CACNA1C: variants seen among roughly 807,000 people sequenced by gnomAD.
The protein encoded by CACNA1C is calcium voltage-gated channel subunit alpha1 C, also known as voltage-dependent L-type calcium channel subunit alpha-1C.
A neutral mutation model predicts 229.0 loss-of-function variants in CACNA1C; 30 were observed. That is an observed-to-expected ratio of 0.13 (90% confidence interval 0.10 to 0.18). The LOEUF (loss-of-function observed/expected upper bound fraction) is 0.18. CACNA1C is among the 10% of genes least tolerant of loss of function. CACNA1C has a pLI of 1.00. For missense variants in CACNA1C, 1,658 were observed against 2,845.0 expected (o/e 0.58, Z 9.49); for synonymous variants, 1,114 against 1,132.5 (o/e 0.98, Z 0.33).
At chr12:1,972,767 C>T (rs1209061249) in intron 1 of CACNA1C, among the ~76,000 whole-genome samples, 1 of 150,064 alleles carries the variant, frequency 6.7e-6, no homozygotes, top group African/African-American at 2.5e-5. Flanking sequence ...AACCAAAGTT[C>T]ATATGGACTC....
Position 2,053,090 on chromosome 12 carries a change from C to G in CACNA1C, c.-473C>G. The G allele has an allele frequency of 1.0e-6, 1 of 984,604 alleles. No homozygotes were observed. The highest frequency in any genetic ancestry group is 1.2e-6 in the Non-Finnish European group (1 of 829,472). The allele number at this position is 984,604 out of a possible 1,614,324, so 61.0% of individuals were successfully genotyped here. The stretch of plus-strand genomic sequence containing the variant: ...GCGGCGGCTCTTCCTGCCTCCGCGC[C>G]CAGGAGTTGCCGGCTCCCTTTGACA... On this transcript the variant is annotated 5_prime_UTR_variant, in exon 1 of 47. Coordinates refer to ENST00000399655, the MANE Select transcript of CACNA1C (RefSeq NM_000719.7). This position sits in a 1 kb window ranked among gnomAD's most constrained non-coding sequence, Gnocchi z 5.8.
At chr12:2,511,355 A>C (rs1198650545) in intron 8 of CACNA1C, among the ~76,000 whole-genome samples, 1 of 152,208 alleles carries the variant, frequency 6.6e-6, no homozygotes, top group Non-Finnish European at 1.5e-5. Flanking sequence ...GTAGTGATGG[A>C]GCTGCCCCAC....
intron 3 of CACNA1C, among the ~76,000 whole-genome samples, chr12:2,431,480 AG>A (rs1327631309): frequency 6.6e-6 from 1 of 152,132 alleles, no homozygotes; most frequent in Admixed American, 6.6e-5. Context: ...ATGTTTCCAG[AG>A]GGAGAAAAAA....
intron 1 of CACNA1C, among the ~76,000 whole-genome samples, chr12:2,066,661 A>G (rs977226734): frequency 6.6e-6 from 1 of 151,804 alleles, no homozygotes; most frequent in African/African-American, 2.4e-5. Flanking sequence ...ATAAAAGGAG[A>G]GGGGAGGGAT....
chr12:2,014,035 A>G (rs1043633420), intron 1 of CACNA1C, among the ~76,000 whole-genome samples: 1 of 152,192 alleles, frequency 6.6e-6, no homozygotes. Context: ...TGTTGGTAAT[A>G]AATAGCCCTC....
chr12:1,999,410 A>T (rs953073962), intron 1 of CACNA1C, among the ~76,000 whole-genome samples: 3 of 152,246 alleles, frequency 2.0e-5, no homozygotes, highest in African/African-American at 7.2e-5. Context: ...TGGAATATGA[A>T]ATTATAAATA....
intron 1 of CACNA1C, among the ~76,000 whole-genome samples, chr12:2,027,516 G>T (rs746519456): frequency 2.6e-5 from 4 of 152,180 alleles, no homozygotes; most frequent in Non-Finnish European, 5.9e-5. Context: ...TCTGAGTTAT[G>T]GGGAGCTGTC....
At chr12:2,389,662 C>T (rs1403498595) in intron 3 of CACNA1C, among the ~76,000 whole-genome samples, 2 of 152,168 alleles carry the variant, frequency 1.3e-5, no homozygotes, top group East Asian at 1.9e-4. Flanking sequence ...GCAGAGACTC[C>T]ATTGCCTCCT....
intron 3 of CACNA1C, among the ~76,000 whole-genome samples, chr12:2,196,373 C>T (rs2097403113): frequency 6.6e-6 from 1 of 152,196 alleles, no homozygotes; most frequent in African/African-American, 2.4e-5. Context: ...GTCAGAATTT[C>T]CCAGCTTAGG....
chr12:2,457,546 T>C, intron 4 of CACNA1C, 21 bp from the exon 5 acceptor site: 1 of 1,604,148 alleles, frequency 6.2e-7, no homozygotes, highest in Non-Finnish European at 8.5e-7. Flanking sequence ...TGACAGTCCT[T>C]CTCTCTTTCC....
intron 10 of CACNA1C, among the ~76,000 whole-genome samples, chr12:2,552,344 A>C (rs1033405880): frequency 1.3e-5 from 2 of 152,240 alleles, no homozygotes; most frequent in Non-Finnish European, 2.9e-5. Context: ...AAGTGTTATG[A>C]AGGAAAAGTA....
chr12:2,423,416 G>C (rs953081156), intron 3 of CACNA1C, among the ~76,000 whole-genome samples: 2 of 152,178 alleles, frequency 1.3e-5, no homozygotes, highest in African/African-American at 4.8e-5. Context: ...CAATATGTGT[G>C]GTTTGGGCAA....
At chr12:2,070,205 T>A (rs2060696653) in intron 1 of CACNA1C, among the ~76,000 whole-genome samples, 2 of 152,170 alleles carry the variant, frequency 1.3e-5, no homozygotes, top group Non-Finnish European at 2.9e-5. Flanking sequence ...TCAAAAATAG[T>A]ACCAGAGACA....
At chr12:2,603,204 C>T (rs2153415291) in intron 22 of CACNA1C, 2 of 152,328 alleles carry the variant, frequency 1.3e-5, no homozygotes, top group South Asian at 4.2e-4. Flanking sequence ...GGAATTCCTC[C>T]TCTTTAGCCT....
intron 3 of CACNA1C, among the ~76,000 whole-genome samples, chr12:2,141,616 C>G (rs1202731875): frequency 6.6e-6 from 1 of 151,520 alleles, no homozygotes; most frequent in East Asian, 1.9e-4. Flanking sequence ...ATAAGGGATG[C>G]AAGCTCCGTA....
intron 3 of CACNA1C, among the ~76,000 whole-genome samples, chr12:2,243,349 T>C (rs1214508209): frequency 6.6e-6 from 1 of 152,186 alleles, no homozygotes; most frequent in South Asian, 2.1e-4. Flanking sequence ...AAAGTGGAGA[T>C]GCCACCTGAG....
intron 3 of CACNA1C, among the ~76,000 whole-genome samples, chr12:2,311,788 A>T (rs2095450500): frequency 1.3e-5 from 2 of 152,206 alleles, no homozygotes; most frequent in South Asian, 2.1e-4. Flanking sequence ...TAATTTTGTA[A>T]CTTCATCATG....
chr12:2,561,080 A>G (rs1311519541), intron 11 of CACNA1C, among the ~76,000 whole-genome samples: 1 of 152,172 alleles, frequency 6.6e-6, no homozygotes, highest in East Asian at 1.9e-4. Context: ...ACATTTGCGT[A>G]GAGTTCGTCT....
At chr12:2,330,984 C>G (rs905584387) in intron 3 of CACNA1C, among the ~76,000 whole-genome samples, 5 of 152,120 alleles carry the variant, frequency 3.3e-5, no homozygotes, top group Admixed American at 3.3e-4. Flanking sequence ...AACTGGAAGT[C>G]TCTGCATCAG....
Sources: gnomAD v4.1 joint callset for allele counts (sites outside exome capture counted in the v4.1 genomes callset) on GRCh38, gnomAD v4.1.1 for gene constraint, Gnocchi (gnomAD v3.1) non-coding constraint, MANE v1.5 for transcripts, NCBI Gene and HGNC (gene_info 2026-07-23, HGNC 2026-07-21) for gene names.